The following ASPDH variants were observed in gnomAD, a reference collection of about 807,000 sequenced individuals.
ASPDH encodes the protein aspartate dehydrogenase domain containing, also known as aspartate dehydrogenase domain-containing protein.
In ASPDH, 25 loss-of-function variants were observed where a neutral mutation model predicts 30.5. That is an observed-to-expected ratio of 0.82 (90% CI 0.60 to 1.14). ASPDH has a LOEUF of 1.14. ASPDH is among the 50% of genes most tolerant of loss of function. ASPDH has a pLI of 0.00. For synonymous variants in ASPDH, 168 were observed against 156.3 expected (o/e 1.07, Z -0.56); for missense variants, 401 against 381.5 (o/e 1.05, Z -0.43).
intron 6 of ASPDH, 59 bp from the exon 7 acceptor site, chr19:50,511,832 G>A (rs1477694353): frequency 1.6e-6 from 2 of 1,240,984 alleles, no homozygotes; most frequent in Non-Finnish European, 2.1e-6. Context: ...ACAGACGCCT[G>A]GGGGAGGCAG....
Position 50,511,614 on chromosome 19 carries a change from G to A in ASPDH, c.*116C>T, listed in dbSNP as rs1979884224. The A allele has an allele frequency of 3.6e-6, 2 of 549,766 alleles. No homozygotes were observed. Among genetic ancestry groups the A allele is most frequent in the East Asian group, 7.0e-5 (2 of 28,548 alleles). The allele number at this position is 549,766 out of a possible 1,614,324, so 34.1% of individuals were successfully genotyped here. ...ACGCCAGGCGGTGCGGGGGGAGGCA[G>A]CGGTGATCTTTACTGAGTCAGAAGG... On this transcript the variant is annotated 3_prime_UTR_variant, in exon 7 of 7. Coordinates refer to ENST00000389208, the MANE Select transcript of ASPDH (RefSeq NM_001114598.2).
At position 50,513,348 on chromosome 19, in the gene ASPDH, T is replaced by G; in HGVS notation, c.121A>C (p.Asn41His). 1.3e-6 allele frequency: 2 copies of G among 1,543,058 alleles called. No homozygotes were observed. The highest frequency in any genetic ancestry group is 1.7e-6 in the Non-Finnish European group (2 of 1,143,096). Reference protein sequence around the residue: ...ELGLELVFVWNRDPGRMAGSV... With the variant: ...ELGLELVFVWHRDPGRMAGSV... ...CCTGCCATTCGTCCTGGGTCACGAT[T>G]CCAGACAAAAACAAGTTCTAGGCCA... The change falls in exon 2 of 7, where the codon AAT (asparagine) becomes CAT (histidine). Residue 41 changes from asparagine (N) to histidine (H), a missense_variant. Transcript: ENST00000389208. This position sits in a 1 kb window ranked among gnomAD's most constrained non-coding sequence, Gnocchi z 4.9.
upstream of ASPDH, chr19:50,514,912 G>A: frequency 1.0e-6 from 1 of 985,432 alleles, no homozygotes; most frequent in Non-Finnish European, 1.2e-6. Flanking sequence ...GCACCCAAAG[G>A]CTGCCGCTGC....
At chr19:50,512,043 A>G in intron 6 of ASPDH, 93 bp downstream of exon 6, 1 of 1,134,342 alleles carries the variant, frequency 8.8e-7, no homozygotes, top group Non-Finnish European at 1.2e-6. Context: ...CAACAAATAC[A>G]GAACCAGAAC....
In ASPDH at chr19:50,513,231, A is replaced by G. The variant is rs1244961957; in HGVS notation, c.197+41T>C. On this transcript the variant is annotated intron_variant, in intron 2 of 6. Transcript: ENST00000389208. This position sits in a 1 kb window ranked among gnomAD's most constrained non-coding sequence, Gnocchi z 4.9. ...CAGTGGCTAAGAGAGCCAGGACAGG[A>G]GCTTCAGGGAGCTCCACTCTCCCAT... 24 of 1,437,624 alleles carry G rather than the reference A, an allele frequency of 1.7e-5. No homozygotes were observed. Among genetic ancestry groups the G allele is most frequent in the East Asian group, 5.2e-5 (2 of 38,720 alleles). The allele number at this position is 1,437,624 out of a possible 1,614,324, so 89.1% of individuals were successfully genotyped here. A position where few individuals can be genotyped will look rare whatever the true frequency, so the allele number is the denominator to read the frequency against.
chr19:50,511,942 A>T (rs1365298972), intron 6 of ASPDH, 169 bp from the exon 7 acceptor site: 2 of 307,370 alleles, frequency 6.5e-6, no homozygotes, highest in Non-Finnish European at 1.0e-5. Context: ...AGTCTCGATC[A>T]GAGGCGGGCA....
upstream of ASPDH, chr19:50,513,958 C>T: frequency 8.5e-7 from 1 of 1,172,900 alleles, no homozygotes. The surrounding 1 kb of genome is among the most constrained non-coding windows in gnomAD (Gnocchi z 4.9). Flanking sequence ...CCCCGCAGGC[C>T]CAGCGTGGGG....
At position 50,513,205 on chromosome 19, in the gene ASPDH, A is replaced by G; in HGVS notation, c.197+67T>C. On this transcript the variant is annotated intron_variant, in intron 2 of 6. Coordinates refer to ENST00000389208, the MANE Select transcript of ASPDH (RefSeq NM_001114598.2). The surrounding 1 kb of genome is among the most constrained non-coding windows in gnomAD (Gnocchi z 4.9). ...AGGGTCAGGGAACCCCTGAGATCAC[A>G]CAGTGGCTAAGAGAGCCAGGACAGG... is the stretch of plus-strand genomic sequence containing the variant. The G allele has an allele frequency of 1.4e-6, 2 of 1,400,486 alleles. No individual in the cohort carries two copies. Among genetic ancestry groups the G allele is most frequent in the Non-Finnish European group, 1.9e-6 (2 of 1,056,164 alleles). The allele number at this position is 1,400,486 out of a possible 1,614,324, so 86.8% of individuals were successfully genotyped here. A position where few individuals can be genotyped will look rare whatever the true frequency, so the allele number is the denominator to read the frequency against.
Position 50,512,200 on chromosome 19 carries a change from G to A in ASPDH, c.744C>T (p.Asn248=), listed in dbSNP as rs779843506. The change falls in exon 6 of 7, where the codon AAC becomes AAT. Residue 248 remains asparagine (N), a synonymous_variant. Coordinates refer to ENST00000389208, the MANE Select transcript of ASPDH (RefSeq NM_001114598.2). ...CGGTGACCGCGCCTGGCTCGGCAGG[G>A]TTCTCTCTGCGGGTGTGCACAGCAA... ...RSFAVHTRRE[N]PAEPGAVTGS... 4.4e-6 allele frequency: 7 copies of A among 1,608,856 alleles called. No individual in the cohort carries two copies. Among genetic ancestry groups the A allele is most frequent in the Admixed American group, 1.7e-5 (1 of 59,632 alleles).
chr19:50,514,691 G>C (rs897880947), upstream of ASPDH: 1 of 1,495,586 alleles, frequency 6.7e-7, no homozygotes, highest in African/African-American at 1.4e-5. Context: ...CTGCGGCAGC[G>C]CAGGCTCCCT....
rs1980084238 is a variant in ASPDH, at chr19:50,513,420, G to A, written c.53-4C>T. On this transcript the variant is annotated splice_region_variant and splice_polypyrimidine_tract_variant and intron_variant, in intron 1 of 6. Transcript: ENST00000389208. The surrounding 1 kb of genome is among the most constrained non-coding windows in gnomAD (Gnocchi z 4.9). ...AGGCGGGAGACGAGGGACTGTCCTG[G>A]GGAGAGGGAAAGGAGAGGGCTAGAG... 6.7e-7 allele frequency: 1 copy of A among 1,486,184 alleles called. No homozygotes were observed. Among genetic ancestry groups the A allele is most frequent in the Non-Finnish European group, 8.9e-7 (1 of 1,117,670 alleles). The allele number at this position is 1,486,184 out of a possible 1,614,324, so 92.1% of individuals were successfully genotyped here. A position where few individuals can be genotyped will look rare whatever the true frequency, so the allele number is the denominator to read the frequency against.
chr19:50,512,335 C>A, intron 5 of ASPDH, 25 bp downstream of exon 5: 1 of 1,613,894 alleles, frequency 6.2e-7, no homozygotes, highest in Non-Finnish European at 8.5e-7. Context: ...GGACTCAGCC[C>A]AACACCCTGC....
In ASPDH at chr19:50,513,589, G is replaced by A. The variant is rs1228940844; in HGVS notation, c.53-173C>T. Among the ~76,000 whole-genome samples, 1 of 152,020 alleles carries A rather than the reference G, an allele frequency of 6.6e-6. No individual in the cohort carries two copies. The highest frequency in any genetic ancestry group is 1.5e-5 in the Non-Finnish European group (1 of 67,976). On this transcript the variant is annotated intron_variant, in intron 1 of 6. Coordinates refer to ENST00000389208, the MANE Select transcript of ASPDH (RefSeq NM_001114598.2). The surrounding 1 kb of genome is among the most constrained non-coding windows in gnomAD (Gnocchi z 4.9). The stretch of plus-strand genomic sequence containing the variant: ...CAGAGACACAGTGGGGTGGACAGAG[G>A]CCCAGAGAGAAGGGAGACAGAGACG...
Position 50,512,811 on chromosome 19 carries a change from C to G in ASPDH, c.283-1G>C, listed in dbSNP as rs761417859. 6.9e-6 allele frequency: 11 copies of G among 1,599,316 alleles called. No homozygotes were observed. The Admixed American group carries it at 1.9e-4, about 28-fold the overall frequency. ...CACTTAGAGCTGAGGGGGACCCCAC[C>G]TGGGGTGGATGAAGGAGGGGAGGGT... is the stretch of plus-strand genomic sequence containing the variant. On this transcript the variant is annotated splice_acceptor_variant, in intron 3 of 6. Transcript: ENST00000389208. LOFTEE classifies it high-confidence loss of function.
At chr19:50,512,607 G>A (rs560208639) in intron 4 of ASPDH, 27 bp from the exon 5 acceptor site, 1 of 1,515,870 alleles carries the variant, frequency 6.6e-7, no homozygotes, top group Non-Finnish European at 8.8e-7. Context: ...GGGTTAGGGG[G>A]AGTGGGGTCT....
Position 50,512,492 on chromosome 19 carries a change from A to G in ASPDH, c.521T>C (p.Val174Ala), listed in dbSNP as rs748275290. 6.3e-7 allele frequency: 1 copy of G among 1,580,210 alleles called. No homozygotes were observed. Among genetic ancestry groups the G allele is most frequent in the Admixed American group, 1.8e-5 (1 of 57,036 alleles). Residue 174 changes from valine to alanine, a missense_variant, in exon 5 of 7, where the codon GTG becomes GCG. By Grantham distance (64) the Val-to-Ala change is moderately conservative. Coordinates refer to ENST00000389208, the MANE Select transcript of ASPDH (RefSeq NM_001114598.2). ...CCCACGGACAGGGCCTTCGTAGAGC[A>G]CAGTGCAAGGCCCAGGGCTGTGGGC... ...AAAHSPGPCTVLYEGPVRGLC... is the reference protein window; with the variant it reads ...AAAHSPGPCTALYEGPVRGLC...
upstream of ASPDH, among the ~76,000 whole-genome samples, chr19:50,514,047 T>A (rs2122738098): frequency 6.6e-6 from 1 of 152,206 alleles, no homozygotes; most frequent in African/African-American, 2.4e-5. Context: ...ACAGTGAGCA[T>A]GGTGACCGGG....
At chr19:50,514,355 C>T, upstream of ASPDH, 4 of 1,383,954 alleles carry the variant, frequency 2.9e-6, no homozygotes, top group Non-Finnish European at 3.0e-6. Flanking sequence ...GTGGCTTCTC[C>T]TCAATGTGCC....
Position 50,511,727 on chromosome 19 carries a change from TTCTCAGCAGAGATGGA to T in ASPDH, c.839_*2del. 1 of 1,303,256 alleles carries T rather than the reference TTCTCAGCAGAGATGGA, an allele frequency of 7.7e-7. No individual in the cohort carries two copies. 80.7% of individuals were successfully genotyped at this position (1,303,256 alleles called of 1,614,324 possible). On this transcript the variant is annotated stop_lost and 3_prime_UTR_variant, in exon 7 of 7. Transcript: ENST00000389208. ...GATCTTGTCTCGGGAGGGAGGAGGC[TTCTCAGCAGAGATGGA>T]TCCCCGGCCTGGAGGGGAGCTGGCA...
Sources: allele counts gnomAD v4.1 joint callset (sites outside exome capture counted in the v4.1 genomes callset), GRCh38; gene constraint gnomAD v4.1.1; non-coding constraint Gnocchi (gnomAD v3.1); transcripts MANE v1.5; gene names NCBI Gene and HGNC (gene_info 2026-07-23, HGNC 2026-07-21).